Variants in ZBBX observed in about 807,000 individuals in gnomAD.
ZBBX encodes the protein zinc finger B-box domain-containing protein 1.
A neutral mutation model predicts 108.5 loss-of-function variants in ZBBX; 101 were observed. The observed-to-expected ratio is 0.93, with a 90% CI of 0.79 to 1.10. The LOEUF is 1.10. Ranked by LOEUF, ZBBX falls within the 50% of genes least tolerant of loss-of-function variation. ZBBX has a pLI of 0.00. For missense variants in ZBBX, 1,009 were observed against 941.4 expected (o/e 1.07, Z -0.94); for synonymous variants, 356 against 323.4 (o/e 1.10, Z -1.08).
At chr3:167,262,531 GTTTGT>G (rs1175821108) in intron 20 of ZBBX, among the ~76,000 whole-genome samples, 1 of 152,118 alleles carries the variant, frequency 6.6e-6, no homozygotes, top group Non-Finnish European at 1.5e-5. Context: ...TGGTTTGTTT[GTTTGT>G]TTTGAGATGG....
upstream of ZBBX, among the ~76,000 whole-genome samples, chr3:167,383,661 A>G (rs187350605): frequency 5.3e-5 from 8 of 152,240 alleles, no homozygotes; most frequent in Admixed American, 5.2e-4. Flanking sequence ...GAGGAGAATC[A>G]TCAGGGCCTA....
At chr3:167,273,875 A>T (rs2108485634) in intron 20 of ZBBX, among the ~76,000 whole-genome samples, 1 of 152,372 alleles carries the variant, frequency 6.6e-6, no homozygotes. Flanking sequence ...CTGAGATCAA[A>T]TAGCTGCAGG....
intron 1 of ZBBX, among the ~76,000 whole-genome samples, chr3:167,388,204 G>A (rs1747977812): frequency 2.0e-5 from 3 of 151,900 alleles, no homozygotes; most frequent in African/African-American, 7.2e-5. Flanking sequence ...CCATGCAAAA[G>A]TCTGGAATGT....
At chr3:167,338,427 G>T (rs1351490047) in intron 9 of ZBBX, among the ~76,000 whole-genome samples, 1 of 151,994 alleles carries the variant, frequency 6.6e-6, no homozygotes, top group Non-Finnish European at 1.5e-5. Context: ...GGTATAGTCA[G>T]TGCTTCAAAA....
chr3:167,189,295 T>G, the ZBBX span, among the ~76,000 whole-genome samples: 1 of 152,118 alleles, frequency 6.6e-6, no homozygotes, highest in African/African-American at 2.4e-5. Context: ...ATATACCCAC[T>G]TTTAGAAAAT....
the ZBBX span, among the ~76,000 whole-genome samples, chr3:167,203,729 TTTTG>T: frequency 2.6e-5 from 4 of 152,008 alleles, no homozygotes; most frequent in African/African-American, 9.7e-5. Context: ...GTTGTATTTA[TTTTG>T]TTTCTTTTTA....
At chr3:167,302,127 T>C (rs1211657034) in intron 17 of ZBBX, among the ~76,000 whole-genome samples, 3 of 152,186 alleles carry the variant, frequency 2.0e-5, no homozygotes, top group Admixed American at 1.3e-4. Flanking sequence ...TGTAATGTGT[T>C]GTAACATGTA....
intron 16 of ZBBX, among the ~76,000 whole-genome samples, chr3:167,306,812 T>C (rs1488838657): frequency 6.6e-6 from 1 of 152,212 alleles, no homozygotes; most frequent in East Asian, 1.9e-4. Context: ...GAATATAGCT[T>C]CTTCTGGTTA....
chr3:167,342,017 A>C (rs889290098), intron 9 of ZBBX, among the ~76,000 whole-genome samples: 1 of 151,838 alleles, frequency 6.6e-6, no homozygotes, highest in African/African-American at 2.4e-5. Context: ...TCATGAGCTC[A>C]TTTGAGCTAC....
intron 20 of ZBBX, among the ~76,000 whole-genome samples, chr3:167,243,435 G>A (rs1721026983): frequency 6.6e-6 from 1 of 150,556 alleles, no homozygotes; most frequent in African/African-American, 2.4e-5. Flanking sequence ...TTTCGGTCTT[G>A]TTGCCTGGGC....
intron 1 of ZBBX, among the ~76,000 whole-genome samples, chr3:167,390,711 C>G (rs941757745): frequency 1.3e-5 from 2 of 151,832 alleles, no homozygotes; most frequent in African/African-American, 4.8e-5. Flanking sequence ...TTCACATCCC[C>G]TGTAAGTCGT....
intron 1 of ZBBX, among the ~76,000 whole-genome samples, chr3:167,390,467 C>A (rs1156342275): frequency 1.3e-5 from 2 of 149,942 alleles, no homozygotes; most frequent in African/African-American, 4.9e-5. Flanking sequence ...GCTATACGGG[C>A]TCTTTTTTGG....
intron 20 of ZBBX, among the ~76,000 whole-genome samples, chr3:167,255,472 A>G (rs1456012515): frequency 6.6e-6 from 1 of 152,118 alleles, no homozygotes; most frequent in Non-Finnish European, 1.5e-5. Context: ...AACTTTACAA[A>G]ACAAGAAACT....
intron 1 of ZBBX, among the ~76,000 whole-genome samples, chr3:167,389,387 A>G (rs1358711745): frequency 6.6e-6 from 1 of 152,192 alleles, no homozygotes; most frequent in African/African-American, 2.4e-5. Flanking sequence ...ACTGATGGGC[A>G]TTTGGGTTGG....
intron 9 of ZBBX, among the ~76,000 whole-genome samples, chr3:167,335,125 A>G (rs1170822440): frequency 1.3e-5 from 2 of 151,768 alleles, no homozygotes; most frequent in Admixed American, 6.6e-5. Context: ...GATCTCTACC[A>G]GCCCTAACTA....
At position 167,239,979 on chromosome 3, in the gene ZBBX, G is replaced by C. The variant is rs1720415087; in HGVS notation, c.*814C>G. Reference sequence around the variant, plus strand: ...CAAAGAGAAGTCCTGAGCAAAAGGGGGGACAGCCCCTTATAAAACCATCAG... The same window carrying C: ...CAAAGAGAAGTCCTGAGCAAAAGGGCGGACAGCCCCTTATAAAACCATCAG... On this transcript the variant is annotated 3_prime_UTR_variant, in exon 22 of 22. Transcript: ENST00000675490. 6.6e-6 allele frequency among the ~76,000 whole-genome samples: 1 copy of C among 152,030 alleles called. No homozygotes were observed. Among genetic ancestry groups the C allele is most frequent in the Non-Finnish European group, 1.5e-5 (1 of 67,998 alleles).
intron 15 of ZBBX, 24 bp downstream of exon 15, chr3:167,315,726 C>G (rs920986027): frequency 6.4e-7 from 1 of 1,570,704 alleles, no homozygotes; most frequent in Non-Finnish European, 8.7e-7. Flanking sequence ...AATATGCACA[C>G]AAAGTTAATT....
chr3:167,245,979 G>A (rs578133297), intron 20 of ZBBX, among the ~76,000 whole-genome samples: 27 of 152,282 alleles, frequency 1.8e-4, no homozygotes, highest in African/African-American at 6.0e-4. Flanking sequence ...TGTGGGAGTA[G>A]CTTTGCCTGG....
chr3:167,187,724 C>T, the ZBBX span, among the ~76,000 whole-genome samples: 1 of 152,132 alleles, frequency 6.6e-6, no homozygotes, highest in Non-Finnish European at 1.5e-5. Flanking sequence ...AAGCAGACTA[C>T]TCGTGGAAAA....
Sources: allele counts gnomAD v4.1 joint callset (sites outside exome capture counted in the v4.1 genomes callset), GRCh38; gene constraint gnomAD v4.1.1; transcripts MANE v1.5; gene names NCBI Gene and HGNC (gene_info 2026-07-23, HGNC 2026-07-21).